Variants in ANKRD36 observed in about 807,000 individuals in gnomAD.
ANKRD36 encodes ankyrin repeat domain 36.
In ANKRD36, 179 loss-of-function variants were observed where a neutral mutation model predicts 278.1. The ratio of observed to expected loss-of-function variants is 0.64; its 90% CI spans 0.57 to 0.73. The LOEUF (loss-of-function observed/expected upper bound fraction) is 0.73. ANKRD36 is among the 30% of genes least tolerant of loss of function. The pLI, the probability that ANKRD36 is intolerant of heterozygous loss-of-function variation, is 0.00. For synonymous variants in ANKRD36, 320 were observed against 641.1 expected, an observed-to-expected ratio of 0.50 and a Z score of 7.57; for missense variants, 1,159 against 1,956.7, an observed-to-expected ratio of 0.59 and a Z score of 7.69.
intron 36 of ANKRD36, 79 bp from the exon 37 acceptor site, chr2:97,192,779 G>C (rs939833803): frequency 2.6e-6 from 4 of 1,511,464 alleles, no homozygotes; most frequent in Non-Finnish European, 2.7e-6. Flanking sequence ...AACAGAGGTT[G>C]ATACAAACAC....
intron 67 of ANKRD36, among the ~76,000 whole-genome samples, chr2:97,227,068 C>T (rs2070000051): frequency 6.6e-6 from 1 of 152,130 alleles, no homozygotes; most frequent in Non-Finnish European, 1.5e-5. Context: ...GTGATGCCTC[C>T]AGCCTTGTTC....
At chr2:97,211,762 A>C (rs1269966767) in intron 58 of ANKRD36, 21 bp downstream of exon 58, 1 of 1,562,064 alleles carries the variant, frequency 6.4e-7, no homozygotes, top group African/African-American at 1.4e-5. Flanking sequence ...AAACACATTT[A>C]ATATGATGTT....
intron 38 of ANKRD36, among the ~76,000 whole-genome samples, chr2:97,194,141 T>A (rs554672951): frequency 6.6e-6 from 1 of 151,676 alleles, no homozygotes; most frequent in Admixed American, 6.6e-5. Flanking sequence ...TTACACTACA[T>A]GGGTGTGAGG....
At chr2:97,207,022 A>G (rs1012912410) in intron 52 of ANKRD36, among the ~76,000 whole-genome samples, 1 of 151,712 alleles carries the variant, frequency 6.6e-6, no homozygotes, top group East Asian at 1.9e-4. Flanking sequence ...ATTTTCAATG[A>G]ATATTGCAGT....
intron 48 of ANKRD36, among the ~76,000 whole-genome samples, chr2:97,203,712 A>G (rs1338655455): frequency 6.6e-6 from 1 of 151,836 alleles, no homozygotes; most frequent in Non-Finnish European, 1.5e-5. Context: ...ATGTGGGATC[A>G]TGTAGCACCT....
At chr2:97,218,382 A>T (rs1355947964) in intron 64 of ANKRD36, among the ~76,000 whole-genome samples, 2 of 146,020 alleles carry the variant, frequency 1.4e-5, no homozygotes, top group Non-Finnish European at 3.0e-5. Context: ...TTTATATATT[A>T]TACCTTCTTG....
intron 40 of ANKRD36, among the ~76,000 whole-genome samples, chr2:97,195,254 A>G (rs1426354734): frequency 6.6e-6 from 1 of 151,970 alleles, no homozygotes; most frequent in African/African-American, 2.4e-5. Context: ...TACAGATTTT[A>G]CAGACGTCAC....
intron 60 of ANKRD36, among the ~76,000 whole-genome samples, chr2:97,213,886 A>C (rs1475606686): frequency 6.6e-6 from 1 of 151,792 alleles, no homozygotes; most frequent in Admixed American, 6.6e-5. Flanking sequence ...GGAACAGCAT[A>C]ATTTTGCTTT....
At chr2:97,146,396 T>C in intron 10 of ANKRD36, 90 bp from the exon 11 acceptor site, 2 of 1,116,120 alleles carry the variant, frequency 1.8e-6, no homozygotes, top group Non-Finnish European at 2.5e-6. Context: ...GCTGAGATTA[T>C]AGGAACAAGT....
At chr2:97,219,894 G>A (rs1247637222) in intron 66 of ANKRD36, among the ~76,000 whole-genome samples, 1 of 145,604 alleles carries the variant, frequency 6.9e-6, no homozygotes, top group African/African-American at 2.7e-5. Flanking sequence ...TTTTGATACT[G>A]TAAAATATTT....
chr2:97,204,818 A>G (rs925693277), intron 50 of ANKRD36, among the ~76,000 whole-genome samples: 1 of 151,474 alleles, frequency 6.6e-6, no homozygotes, highest in African/African-American at 2.4e-5. Flanking sequence ...TGCATTTGGA[A>G]TATTTTCATA....
chr2:97,147,881 G>A (rs2044711859), intron 11 of ANKRD36, among the ~76,000 whole-genome samples: 1 of 151,892 alleles, frequency 6.6e-6, no homozygotes, highest in Non-Finnish European at 1.5e-5. Flanking sequence ...GATGTTGGGA[G>A]CTATCAAGAA....
In ANKRD36 at chr2:97,146,246, T is replaced by C. The variant is rs372222825; in HGVS notation, c.1004-240T>C. On this transcript the variant is annotated intron_variant, in intron 10 of 75. Transcript: ENST00000420699. Reference sequence around the variant, plus strand: ...CCTCACAAAGTGCTGGGATTACAGGTGTGACCCACCGAGCCCTGCCTACAT... The same window carrying C: ...CCTCACAAAGTGCTGGGATTACAGGCGTGACCCACCGAGCCCTGCCTACAT... 1.1e-3 allele frequency among the ~76,000 whole-genome samples: 164 copies of C among 150,802 alleles called. 3 individuals carry two copies. In the East Asian group the frequency reaches 0.013, roughly 12 times the overall value.
intron 48 of ANKRD36, among the ~76,000 whole-genome samples, chr2:97,202,905 C>G (rs553644406): frequency 3.9e-4 from 59 of 151,796 alleles, no homozygotes; most frequent in Non-Finnish European, 5.7e-4. Context: ...TTTGGGGTTT[C>G]TGCTGAGGAA....
intron 44 of ANKRD36, among the ~76,000 whole-genome samples, 190 bp from the exon 45 acceptor site, chr2:97,200,144 T>C (rs1422308257): frequency 6.6e-6 from 1 of 151,904 alleles, no homozygotes; most frequent in Non-Finnish European, 1.5e-5. Context: ...AGGGTGTATT[T>C]CACAGAGCCT....
intron 60 of ANKRD36, 112 bp downstream of exon 60, chr2:97,213,726 G>A (rs2065253123): frequency 1.1e-5 from 6 of 557,990 alleles, no homozygotes; most frequent in South Asian, 8.5e-5. Context: ...TGATTCAGCA[G>A]GCCTGACATT....
chr2:97,208,079 G>T, intron 54 of ANKRD36, 73 bp downstream of exon 54: 2 of 1,374,352 alleles, frequency 1.5e-6, no homozygotes, highest in Non-Finnish European at 2.0e-6. Context: ...GAATAAATCA[G>T]CGGGGGGCTC....
At chr2:97,151,771 T>C in intron 12 of ANKRD36, 108 bp from the exon 13 acceptor site, 2 of 827,754 alleles carry the variant, frequency 2.4e-6, no homozygotes, top group Admixed American at 4.8e-5. Flanking sequence ...TACATATGAG[T>C]GATTTCAACG....
chr2:97,149,213 A>AACTG, intron 11 of ANKRD36, 82 bp from the exon 12 acceptor site: 1 of 1,102,604 alleles, frequency 9.1e-7, no homozygotes, highest in Admixed American at 2.1e-5. Flanking sequence ...TTTGGAGTGG[A>AACTG]CATACGTGTA....
Sources: allele counts gnomAD v4.1 joint callset (sites outside exome capture counted in the v4.1 genomes callset), GRCh38; gene constraint gnomAD v4.1.1; transcripts MANE v1.5; gene names NCBI Gene and HGNC (gene_info 2026-07-23, HGNC 2026-07-21).